The following NEXMIF variants were observed in gnomAD, a reference collection of about 807,000 sequenced individuals.
NEXMIF encodes XLMR protein related to neurite extension.
In NEXMIF, 8 loss-of-function variants were observed where a neutral mutation model predicts 62.1. That is an observed-to-expected ratio of 0.13 (90% confidence interval 0.08 to 0.23). The LOEUF (loss-of-function observed/expected upper bound fraction) is 0.23, where lower values mean the gene tolerates loss of function less well. Among genes scored for constraint, NEXMIF ranks in the 10% least tolerant of loss-of-function variants. The pLI, the probability that NEXMIF is intolerant of heterozygous loss-of-function variation, is 1.00. For synonymous variants in NEXMIF, 404 were observed against 416.6 expected (o/e 0.97, Z 0.37); for missense variants, 976 against 1,113.3 (o/e 0.88, Z 1.75).
At chrX:74,909,204 A>C (rs1490529158) in intron 1 of NEXMIF, among the ~76,000 whole-genome samples, 1 of 111,497 alleles carries the variant, frequency 9.0e-6, no homozygotes, top group Non-Finnish European at 1.9e-5. Context: ...AAAAAGGAAA[A>C]TGTGGGAAAG....
At chrX:74,870,920 A>G (rs2080598266) in intron 1 of NEXMIF, among the ~76,000 whole-genome samples, 3 of 111,994 alleles carry the variant, frequency 2.7e-5, no homozygotes, top group African/African-American at 9.7e-5. Flanking sequence ...GGGTCCTCAA[A>G]AAACTAAAGA....
intron 1 of NEXMIF, among the ~76,000 whole-genome samples, chrX:74,806,203 C>T (rs906375874): frequency 9.0e-6 from 1 of 110,890 alleles, no homozygotes; most frequent in Admixed American, 9.7e-5. Flanking sequence ...TCATGGATCA[C>T]GCCTTTGATG....
At chrX:74,799,688 C>G (rs765694756) in intron 1 of NEXMIF, among the ~76,000 whole-genome samples, 6 of 110,841 alleles carry the variant, frequency 5.4e-5, no homozygotes, top group Non-Finnish European at 9.5e-5. Context: ...TGGAGTGCAC[C>G]GGCACGATCA....
chrX:74,891,601 G>T (rs1334615629), intron 1 of NEXMIF, among the ~76,000 whole-genome samples: 1 of 111,593 alleles, frequency 9.0e-6, no homozygotes, highest in Middle Eastern at 4.2e-3. Flanking sequence ...TATTATTGTT[G>T]TATTTGTTTG....
intron 1 of NEXMIF, among the ~76,000 whole-genome samples, chrX:74,862,483 G>A (rs1409479275): frequency 9.2e-6 from 1 of 108,847 alleles, no homozygotes; most frequent in African/African-American, 3.4e-5. Flanking sequence ...CTCACCAAGT[G>A]GACCTGATAC....
At chrX:74,915,236 A>G (rs2080802675) in intron 1 of NEXMIF, among the ~76,000 whole-genome samples, 1 of 111,917 alleles carries the variant, frequency 8.9e-6, no homozygotes. Flanking sequence ...CAGGAGTTCA[A>G]GATCAGCCTG....
At chrX:74,855,572 T>C (rs777616755) in intron 1 of NEXMIF, among the ~76,000 whole-genome samples, 1 of 112,026 alleles carries the variant, frequency 8.9e-6, no homozygotes, top group East Asian at 2.8e-4. Context: ...GCCACATGCA[T>C]GTGTAGGGCT....
At chrX:74,808,717 G>T (rs1016422012) in intron 1 of NEXMIF, among the ~76,000 whole-genome samples, 15 of 111,683 alleles carry the variant, frequency 1.3e-4, no homozygotes, top group Admixed American at 1.1e-3. Flanking sequence ...TGTTTTGGAA[G>T]GTTAATTGTT....
At chrX:74,883,444 A>G (rs140755436) in intron 1 of NEXMIF, among the ~76,000 whole-genome samples, 3,244 of 111,742 alleles carry the variant, frequency 0.029, 135 homozygotes, top group African/African-American at 0.1. Flanking sequence ...TGGAGAGAAG[A>G]CCTTAAAGGA....
In NEXMIF at chrX:74,784,159, C is replaced by T. The variant is rs762303527; in HGVS notation, c.-47-38462G>A. On this transcript the variant is annotated intron_variant, in intron 1 of 3. Transcript: ENST00000055682. ...AATTCACTGTTGGTATTAGTTACCACGATTATAGTATAATTAACCATAGTC... is the reference window on the plus strand; with the variant it reads ...AATTCACTGTTGGTATTAGTTACCATGATTATAGTATAATTAACCATAGTC... Among the ~76,000 whole-genome samples, 19 of 111,701 alleles carry T rather than the reference C, an allele frequency of 1.7e-4. No individual in the cohort carries two copies. The South Asian group carries it at 3.4e-3, about 20-fold the overall frequency.
chrX:74,796,133 A>AAT (rs1223184734), intron 1 of NEXMIF, among the ~76,000 whole-genome samples: 2 of 77,210 alleles, frequency 2.6e-5, no homozygotes, highest in South Asian at 5.4e-4. Flanking sequence ...ATTTATATAT[A>AAT]ATATATATAT....
intron 1 of NEXMIF, among the ~76,000 whole-genome samples, chrX:74,875,332 C>A (rs2080626111): frequency 9.0e-6 from 1 of 111,725 alleles, no homozygotes; most frequent in Non-Finnish European, 1.9e-5. Flanking sequence ...CCTTGCATCC[C>A]AGGGATGAAG....
chrX:74,850,069 C>A (rs1303731977), intron 1 of NEXMIF, among the ~76,000 whole-genome samples: 2 of 112,176 alleles, frequency 1.8e-5, no homozygotes, highest in Non-Finnish European at 3.8e-5. Flanking sequence ...TGGTCCAGCT[C>A]TGTCCCACTC....
intron 1 of NEXMIF, among the ~76,000 whole-genome samples, chrX:74,803,492 C>G (rs2080336049): frequency 9.0e-6 from 1 of 110,979 alleles, no homozygotes; most frequent in Admixed American, 9.6e-5. Flanking sequence ...GACGTGAACC[C>G]AGGAGGCGGA....
At chrX:74,751,995 C>T (rs750281743) in intron 1 of NEXMIF, among the ~76,000 whole-genome samples, 4 of 110,518 alleles carry the variant, frequency 3.6e-5, no homozygotes, top group East Asian at 2.9e-4. Context: ...TTAGTAGAGG[C>T]GGGGTTTCGC....
Position 74,870,206 on chromosome X carries a change from G to A in NEXMIF, c.-48+54677C>T, listed in dbSNP as rs183364433. On this transcript the variant is annotated intron_variant, in intron 1 of 3. Transcript: ENST00000055682. ...AACTCATTTTTGACAAAGGTGCCAA[G>A]AATATACATTGGAGAAAGGAGAGTA... Among the ~76,000 whole-genome samples, 19 of 111,339 alleles carry A rather than the reference G, an allele frequency of 1.7e-4. No homozygotes were observed. The East Asian group carries it at 4.3e-3, about 25-fold the overall frequency.
At chrX:74,796,152 TAC>T (rs1491107714) in intron 1 of NEXMIF, among the ~76,000 whole-genome samples, 2 of 74,492 alleles carry the variant, frequency 2.7e-5, no homozygotes, top group African/African-American at 5.4e-5. Context: ...ATTATATATA[TAC>T]ATATATATTA....
chrX:74,758,669 T>C (rs1438863870), intron 1 of NEXMIF, among the ~76,000 whole-genome samples: 1 of 111,667 alleles, frequency 9.0e-6, no homozygotes, highest in Non-Finnish European at 1.9e-5. Flanking sequence ...TATTTGGTAT[T>C]CTGTTCCTGC....
intron 1 of NEXMIF, among the ~76,000 whole-genome samples, chrX:74,754,201 A>G (rs1305678462): frequency 9.0e-6 from 1 of 110,766 alleles, no homozygotes. Flanking sequence ...ACCTCAGATG[A>G]TCTGCCCACC....
Sources: allele counts gnomAD v4.1 joint callset (sites outside exome capture counted in the v4.1 genomes callset), GRCh38; gene constraint gnomAD v4.1.1; transcripts MANE v1.5; gene names NCBI Gene and HGNC (gene_info 2026-07-23, HGNC 2026-07-21).